Variants in CDH13 observed in about 807,000 individuals in gnomAD.
The protein encoded by CDH13 is cadherin-13.
CDH13 carries 24 observed loss-of-function variants against 63.8 expected under a neutral mutation model. That is an observed-to-expected ratio of 0.38 (90% CI 0.27 to 0.53). The LOEUF is 0.53. CDH13 is among the 20% of genes least tolerant of loss of function. CDH13 has a pLI of 0.85. For synonymous variants in CDH13, 503 were observed against 355.3 expected, an observed-to-expected ratio of 1.42 and a Z score of -4.67; for missense variants, 1,049 against 903.1, an observed-to-expected ratio of 1.16 and a Z score of -2.07.
At chr16:82,951,134 T>A (rs1445442202) in intron 2 of CDH13, among the ~76,000 whole-genome samples, 1 of 152,092 alleles carries the variant, frequency 6.6e-6, no homozygotes, top group Non-Finnish European at 1.5e-5. Context: ...TTTTGAGGGA[T>A]GTGCAAGTTT....
chr16:83,354,917 C>A (rs2091023797), intron 6 of CDH13, among the ~76,000 whole-genome samples: 1 of 152,292 alleles, frequency 6.6e-6, no homozygotes, highest in African/African-American at 2.4e-5. Flanking sequence ...TGCTTTCGCA[C>A]CATATTGGTA....
chr16:83,694,527 T>C (rs1905194729), intron 10 of CDH13, among the ~76,000 whole-genome samples: 1 of 152,196 alleles, frequency 6.6e-6, no homozygotes, highest in South Asian at 2.1e-4. Context: ...ACAGCAGACT[T>C]GCTGTTATGA....
intron 4 of CDH13, among the ~76,000 whole-genome samples, chr16:83,151,113 A>G (rs1460753638): frequency 6.6e-6 from 1 of 152,212 alleles, no homozygotes; most frequent in Admixed American, 6.5e-5. Flanking sequence ...TTATTCACCC[A>G]GATACTAATC....
At chr16:83,699,250 T>A (rs1905851747) in intron 10 of CDH13, among the ~76,000 whole-genome samples, 1 of 152,210 alleles carries the variant, frequency 6.6e-6, no homozygotes. Context: ...CTGTTGCCAA[T>A]ATTCAAAATA....
chr16:83,659,492 C>T (rs920831833), intron 8 of CDH13, among the ~76,000 whole-genome samples: 2 of 152,244 alleles, frequency 1.3e-5, no homozygotes, highest in Non-Finnish European at 2.9e-5. Context: ...CTAAAAGGGA[C>T]CTCAGTGGTT....
chr16:83,374,565 G>A lies in CDH13; in HGVS notation c.781+29559G>A, dbSNP rs181555280. ...GTTGTGCATTGTACATTGTCAAAGC[G>A]TAAAGAACATCTGAGTTGGAACTCG... On this transcript the variant is annotated intron_variant, in intron 6 of 13. Coordinates refer to ENST00000567109, the MANE Select transcript of CDH13 (RefSeq NM_001257.5). Among the ~76,000 whole-genome samples the A allele has an allele frequency of 2.6e-3, 393 of 152,308 alleles. 1 individual carries two copies. The highest frequency in any genetic ancestry group is 0.017 in the Middle Eastern group (5 of 294).
At chr16:82,672,430 G>T (rs1433268499) in intron 1 of CDH13, among the ~76,000 whole-genome samples, 1 of 152,048 alleles carries the variant, frequency 6.6e-6, no homozygotes, top group African/African-American at 2.4e-5. Context: ...TCTAGGCCGT[G>T]ATGACCCCTC....
At chr16:83,470,304 G>T (rs1031305306) in intron 6 of CDH13, among the ~76,000 whole-genome samples, 1 of 152,002 alleles carries the variant, frequency 6.6e-6, no homozygotes, top group Non-Finnish European at 1.5e-5. Context: ...CAATCCTTCC[G>T]CCTCAGTCTC....
intron 6 of CDH13, among the ~76,000 whole-genome samples, chr16:83,454,799 C>T (rs76204477): frequency 1.6e-4 from 25 of 151,886 alleles, no homozygotes; most frequent in Non-Finnish European, 3.4e-4. Flanking sequence ...CTCCACCTCC[C>T]GGGTTCCAGC....
intron 8 of CDH13, among the ~76,000 whole-genome samples, chr16:83,669,024 T>C (rs1914259861): frequency 6.6e-6 from 1 of 152,172 alleles, no homozygotes. Flanking sequence ...CCCGACTACA[T>C]ATTGGAATTA....
chr16:83,555,547 T>A (rs2075584268), intron 7 of CDH13, among the ~76,000 whole-genome samples: 1 of 152,252 alleles, frequency 6.6e-6, no homozygotes, highest in Non-Finnish European at 1.5e-5. Context: ...CTTAGTTGAC[T>A]GAATTGCATG....
In CDH13 at chr16:82,935,481, A is replaced by C. The variant is rs192047667; in HGVS notation, c.157+77008A>C. 2.8e-4 allele frequency among the ~76,000 whole-genome samples: 43 copies of C among 152,310 alleles called. 1 individual carries two copies. The highest frequency in any genetic ancestry group is 9.9e-4 in the African/African-American group (41 of 41,592). On this transcript the variant is annotated intron_variant, in intron 2 of 13. Coordinates refer to ENST00000567109, the MANE Select transcript of CDH13 (RefSeq NM_001257.5). Reference sequence around the variant, plus strand: ...TTTTTGGTCTCAAGATCTGTGTGCTATTTGAATAAATGAGATGCAGCTGGT... The same window carrying C: ...TTTTTGGTCTCAAGATCTGTGTGCTCTTTGAATAAATGAGATGCAGCTGGT...
intron 2 of CDH13, among the ~76,000 whole-genome samples, chr16:82,929,383 T>A (rs1205546072): frequency 6.6e-6 from 1 of 151,948 alleles, no homozygotes; most frequent in Non-Finnish European, 1.5e-5. Flanking sequence ...AGCCATTGCC[T>A]GTAATCCCAG....
intron 1 of CDH13, among the ~76,000 whole-genome samples, chr16:82,699,357 C>G (rs767935822): frequency 7.9e-5 from 12 of 152,126 alleles, no homozygotes; most frequent in Non-Finnish European, 1.5e-4. Flanking sequence ...GCATTCAGCT[C>G]CATCCTCCTG....
intron 7 of CDH13, among the ~76,000 whole-genome samples, chr16:83,545,183 AT>A (rs1365859642): frequency 1.1e-4 from 16 of 152,136 alleles, no homozygotes; most frequent in African/African-American, 3.9e-4. Flanking sequence ...TCGATGTTAA[AT>A]CCCACATGAC....
At chr16:83,175,298 T>C (rs1008121393) in intron 4 of CDH13, among the ~76,000 whole-genome samples, 7 of 152,100 alleles carry the variant, frequency 4.6e-5, no homozygotes, top group African/African-American at 1.7e-4. Flanking sequence ...CCATTTTAGA[T>C]TATTTTATAT....
At position 82,900,882 on chromosome 16, in the gene CDH13, G is replaced by C. The variant is rs111420012; in HGVS notation, c.157+42409G>C. Among the ~76,000 whole-genome samples, 419 of 152,262 alleles carry C rather than the reference G, an allele frequency of 2.8e-3. 1 individual carries two copies. The highest frequency in any genetic ancestry group is 9.6e-3 in the African/African-American group (398 of 41,542). ...GCAGGAGACTCAGAATTAATTGTTA[G>C]GATTAAGCATAAACCAAAACGAGCA... is the stretch of plus-strand genomic sequence containing the variant. On this transcript the variant is annotated intron_variant, in intron 2 of 13. Transcript: ENST00000567109.
intron 6 of CDH13, among the ~76,000 whole-genome samples, chr16:83,380,389 T>G (rs2091540451): frequency 6.6e-6 from 1 of 152,192 alleles, no homozygotes; most frequent in African/African-American, 2.4e-5. Flanking sequence ...TTGCTGACTG[T>G]CAGCCCATTC....
At chr16:83,643,660 A>G (rs1477301049) in intron 8 of CDH13, among the ~76,000 whole-genome samples, 8 of 152,152 alleles carry the variant, frequency 5.3e-5, no homozygotes, top group Admixed American at 4.6e-4. Context: ...TAAAGGGCAG[A>G]GAAACTCCAT....
Sources: allele counts gnomAD v4.1 joint callset (sites outside exome capture counted in the v4.1 genomes callset), GRCh38; gene constraint gnomAD v4.1.1; transcripts MANE v1.5; gene names NCBI Gene and HGNC (gene_info 2026-07-23, HGNC 2026-07-21).